The following MATN2 variants were observed in gnomAD, a reference collection of about 807,000 sequenced individuals.
MATN2 encodes matrilin-2.
A neutral mutation model predicts 103.2 loss-of-function variants in MATN2; 69 were observed. The observed-to-expected ratio is 0.67, with a 90% CI of 0.55 to 0.82. The LOEUF (loss-of-function observed/expected upper bound fraction) is 0.82, where lower values mean the gene tolerates loss of function less well. Ranked by LOEUF, MATN2 falls within the 40% of genes least tolerant of loss-of-function variation. The pLI is 0.00. For missense variants in MATN2, 1,023 were observed against 1,211.5 expected (o/e 0.84, Z 2.31); for synonymous variants, 429 against 450.2 (o/e 0.95, Z 0.60).
chr8:97,895,294 G>A (rs1208354030), intron 2 of MATN2, among the ~76,000 whole-genome samples: 1 of 152,224 alleles, frequency 6.6e-6, no homozygotes, highest in Non-Finnish European at 1.5e-5. Flanking sequence ...CAGAAGCCAT[G>A]AGAGGCTCTG....
At chr8:97,979,173 T>G (rs1480369220) in intron 6 of MATN2, among the ~76,000 whole-genome samples, 165 bp downstream of exon 6, 1 of 152,318 alleles carries the variant, frequency 6.6e-6, no homozygotes, top group East Asian at 1.9e-4. Context: ...TGACTTGGCT[T>G]AAGACCATAG....
intron 15 of MATN2, among the ~76,000 whole-genome samples, chr8:98,031,078 T>C (rs990201228): frequency 4.6e-5 from 7 of 152,198 alleles, no homozygotes; most frequent in African/African-American, 1.7e-4. Flanking sequence ...GGTTCCCACC[T>C]GTAACCCAAC....
Position 98,021,338 on chromosome 8 carries a change from T to G in MATN2, c.1942+11T>G. 1.2e-6 allele frequency: 2 copies of G among 1,608,708 alleles called. No individual in the cohort carries two copies. The highest frequency in any genetic ancestry group is 1.7e-6 in the Non-Finnish European group (2 of 1,177,652). ...GAAGACGGTGCAAGAGTAAGTGATC[T>G]GAACTTGGCTCTCTGCTTTAATTTT... On this transcript the variant is annotated intron_variant, in intron 13 of 18. Transcript: ENST00000254898.
chr8:98,003,838 G>T, intron 8 of MATN2, 55 bp downstream of exon 8: 1 of 1,607,422 alleles, frequency 6.2e-7, no homozygotes, highest in Non-Finnish European at 8.5e-7. Flanking sequence ...ACTCATGGGG[G>T]CGGGCGGGTT....
At chr8:98,016,436 C>A in intron 10 of MATN2, 104 bp from the exon 11 acceptor site, 1 of 1,025,356 alleles carries the variant, frequency 9.8e-7, no homozygotes, top group Non-Finnish European at 1.5e-6. Context: ...GGATAAGGCA[C>A]TGTTTTAATT....
intron 6 of MATN2, among the ~76,000 whole-genome samples, chr8:97,988,885 T>TA (rs1158271699): frequency 2.0e-5 from 3 of 151,882 alleles, no homozygotes; most frequent in African/African-American, 7.3e-5. Flanking sequence ...AAGAAAGACA[T>TA]AAAAAAAGAA....
intron 2 of MATN2, among the ~76,000 whole-genome samples, chr8:97,894,585 G>T (rs1391617886): frequency 6.6e-6 from 1 of 151,674 alleles, no homozygotes; most frequent in Non-Finnish European, 1.5e-5. Flanking sequence ...GCCTCCCAAA[G>T]TGTTGGGATT....
intron 4 of MATN2, among the ~76,000 whole-genome samples, chr8:97,959,348 C>A (rs149013563): frequency 4.6e-5 from 7 of 152,190 alleles, no homozygotes; most frequent in Admixed American, 1.3e-4. Flanking sequence ...ACATAGTATG[C>A]GCTCAAACCG....
chr8:97,915,439 A>G (rs1416226728), intron 2 of MATN2, among the ~76,000 whole-genome samples: 1 of 152,244 alleles, frequency 6.6e-6, no homozygotes, highest in Non-Finnish European at 1.5e-5. Flanking sequence ...CAACCAAACC[A>G]AAATGATGAT....
intron 2 of MATN2, among the ~76,000 whole-genome samples, chr8:97,921,558 C>T (rs529317070): frequency 6.5e-5 from 9 of 137,802 alleles, no homozygotes; most frequent in African/African-American, 1.8e-4. Context: ...CAGGGGAAGT[C>T]GCACTGTGGT....
intron 2 of MATN2, among the ~76,000 whole-genome samples, chr8:97,896,985 TGG>T (rs1027781904): frequency 6.6e-6 from 1 of 151,612 alleles, no homozygotes. Flanking sequence ...ATGACAGGGC[TGG>T]GCAGTGGGAT....
intron 10 of MATN2, among the ~76,000 whole-genome samples, chr8:98,016,059 T>C (rs888422806): frequency 1.3e-5 from 2 of 152,252 alleles, no homozygotes; most frequent in African/African-American, 4.8e-5. Flanking sequence ...TCATGTTTTT[T>C]GTTCATTTTT....
chr8:97,918,314 C>T (rs1303256211), intron 2 of MATN2, among the ~76,000 whole-genome samples: 2 of 152,186 alleles, frequency 1.3e-5, no homozygotes, highest in African/African-American at 4.8e-5. Context: ...CCTGACGATA[C>T]AGCACTAACC....
At chr8:97,992,443 T>A (rs1812421945) in intron 6 of MATN2, among the ~76,000 whole-genome samples, 1 of 152,130 alleles carries the variant, frequency 6.6e-6, no homozygotes, top group South Asian at 2.1e-4. Context: ...GAAGCATTTA[T>A]GGACAAAATA....
intron 1 of MATN2, among the ~76,000 whole-genome samples, chr8:97,884,904 G>T (rs959794423): frequency 6.6e-6 from 1 of 152,168 alleles, no homozygotes; most frequent in African/African-American, 2.4e-5. Flanking sequence ...TAACAATTAG[G>T]TCTACTGTTA....
intron 4 of MATN2, among the ~76,000 whole-genome samples, chr8:97,958,980 CA>C (rs540421585): frequency 1.2e-4 from 18 of 152,310 alleles, no homozygotes; most frequent in African/African-American, 4.3e-4. Flanking sequence ...TCACGCGTCC[CA>C]AGCCTGGAGT....
intron 5 of MATN2, among the ~76,000 whole-genome samples, chr8:97,970,304 C>T (rs533288960): frequency 6.6e-6 from 1 of 152,236 alleles, no homozygotes; most frequent in East Asian, 1.9e-4. Flanking sequence ...ACATGGTATA[C>T]TGATTGAAGT....
At chr8:97,959,349 G>A (rs1332084001) in intron 4 of MATN2, among the ~76,000 whole-genome samples, 1 of 152,166 alleles carries the variant, frequency 6.6e-6, no homozygotes, top group East Asian at 1.9e-4. Context: ...CATAGTATGC[G>A]CTCAAACCGT....
At chr8:97,990,669 A>C (rs568426069) in intron 6 of MATN2, among the ~76,000 whole-genome samples, 1 of 152,258 alleles carries the variant, frequency 6.6e-6, no homozygotes, top group Non-Finnish European at 1.5e-5. Context: ...CACACATATG[A>C]ATCTGGATGA....
Sources: allele counts gnomAD v4.1 joint callset (sites outside exome capture counted in the v4.1 genomes callset), GRCh38; gene constraint gnomAD v4.1.1; transcripts MANE v1.5; gene names NCBI Gene and HGNC (gene_info 2026-07-23, HGNC 2026-07-21).